KIF4A: variants seen among roughly 807,000 people sequenced by gnomAD.
KIF4A encodes kinesin family member 4A, also known as chromosome-associated kinesin KIF4A.
A neutral mutation model predicts 105.9 loss-of-function variants in KIF4A; 7 were observed. That is an observed-to-expected ratio of 0.07 (90% confidence interval 0.04 to 0.12). KIF4A has a LOEUF of 0.12. Ranked by LOEUF, KIF4A falls within the 10% of genes least tolerant of loss-of-function variation. The probability of loss-of-function intolerance (pLI) is 1.00; values close to 1 mark genes in which losing one functional copy is unlikely to be tolerated. For missense variants in KIF4A, 558 were observed against 929.2 expected (o/e 0.60, Z 5.19); for synonymous variants, 281 against 331.3 (o/e 0.85, Z 1.65).
intron 18 of KIF4A, 75 bp from the exon 19 acceptor site, chrX:70,386,543 G>C (rs1305710832): frequency 4.4e-5 from 33 of 755,197 alleles, no homozygotes; most frequent in Non-Finnish European, 6.1e-6. Flanking sequence ...AGGATGTCTT[G>C]AGAGACACCT....
chrX:70,406,638 T>C (rs181692358), intron 27 of KIF4A, among the ~76,000 whole-genome samples: 1 of 111,582 alleles, frequency 9.0e-6, no homozygotes, highest in East Asian at 2.8e-4. Flanking sequence ...AAGATACTTA[T>C]CTCATCATAT....
chrX:70,329,475 T>A lies in KIF4A; in HGVS notation c.849T>A (p.Gly283=), dbSNP rs2085922339. 1 of 1,209,164 alleles carries A rather than the reference T, an allele frequency of 8.3e-7. No homozygotes were observed. Among genetic ancestry groups the A allele is most frequent in the Non-Finnish European group, 1.1e-6 (1 of 894,918 alleles). Residue 283 remains glycine (G), a synonymous_variant, in exon 8 of 31, where the codon GGT becomes GGA. Coordinates refer to ENST00000374403, the MANE Select transcript of KIF4A (RefSeq NM_012310.5). Reference sequence around the variant, plus strand: ...GTGCTCTTGGAGATGACAAAAAGGGTGGCTTTGTGCCCTACAGAGATTCCA... The same window carrying A: ...GTGCTCTTGGAGATGACAAAAAGGGAGGCTTTGTGCCCTACAGAGATTCCA... ...VISALGDDKK[G]GFVPYRDSKL... is the part of the protein sequence containing the mutation.
intron 7 of KIF4A, among the ~76,000 whole-genome samples, chrX:70,310,475 A>G (rs1156399169): frequency 1.8e-5 from 2 of 111,125 alleles, no homozygotes; most frequent in South Asian, 3.8e-4. Context: ...TTGTTTTTCT[A>G]TTCTCGTATT....
At chrX:70,402,766 A>G (rs761724234) in intron 23 of KIF4A, 71 bp downstream of exon 23, 4 of 1,114,679 alleles carry the variant, frequency 3.6e-6, no homozygotes, top group East Asian at 6.4e-5. Flanking sequence ...GCCTTGAAAT[A>G]TTGTCAAAGT....
At chrX:70,392,858 A>AATAATT (rs2086242889) in intron 20 of KIF4A, among the ~76,000 whole-genome samples, 2 of 95,657 alleles carry the variant, frequency 2.1e-5, no homozygotes, top group Admixed American at 1.2e-4. Context: ...TAATAATAAT[A>AATAATT]ATTATTATTA....
In KIF4A at chrX:70,378,107, A is replaced by C. The variant is rs769270336; in HGVS notation, c.2034+1897A>C. ...CATAGGGAAATTAAAAAATACTTTG[A>C]GATTAATAAAAACAAAGATACAACA... On this transcript the variant is annotated intron_variant, in intron 18 of 30. Coordinates refer to ENST00000374403, the MANE Select transcript of KIF4A (RefSeq NM_012310.5). 9.8e-5 allele frequency among the ~76,000 whole-genome samples: 11 copies of C among 112,540 alleles called. 1 individual carries two copies. In the South Asian group the frequency reaches 4.0e-3, roughly 41 times the overall value.
At chrX:70,379,183 AAG>A (rs1254294146) in intron 18 of KIF4A, among the ~76,000 whole-genome samples, 1 of 110,879 alleles carries the variant, frequency 9.0e-6, no homozygotes, top group African/African-American at 3.3e-5. Context: ...GAAAAGAAAA[AAG>A]AAAAAAAAGA....
At chrX:70,383,051 G>T (rs1168393170) in intron 18 of KIF4A, among the ~76,000 whole-genome samples, 3 of 110,230 alleles carry the variant, frequency 2.7e-5, no homozygotes, top group African/African-American at 9.9e-5. Context: ...GCCGGGTGTG[G>T]TGGCACATGC....
rs1307815371 is a variant in KIF4A at position 70,395,953 on chromosome X, G to A, written c.2393G>A (p.Arg798His). ...TGTTCTCACTATTATTTACAGAGGC[G>A]TACATTCTCCCTTACTGAAGTGCGT... is the stretch of plus-strand genomic sequence containing the variant. ...GENPPPKLRR[R>H]TFSLTEVRGQ... The change falls in exon 22 of 31, where the codon CGT becomes CAT. Residue 798 changes from arginine to histidine, a missense_variant. Around this residue, in one of 2 missense-constraint regions of KIF4A, gnomAD observed 469 missense variants for 680.4 expected, o/e 0.69. Transcript: ENST00000374403. 21 of 1,203,888 alleles carry A rather than the reference G, an allele frequency of 1.7e-5. No homozygotes were observed. Among genetic ancestry groups the A allele is most frequent in the East Asian group, 3.0e-5 (1 of 33,743 alleles).
At position 70,302,026 on chromosome X, in the gene KIF4A, A is replaced by G; in HGVS notation, c.643A>G (p.Ile215Val). ...MNSQSSRSHAIFTISLEQRKK... is the reference protein window; with the variant it reads ...MNSQSSRSHAVFTISLEQRKK... Reference sequence around the variant, plus strand: ...CTCCCAGTCGTCCCGATCTCATGCCATCTTTACAATCTCCTTAGAGCAAAG... The same window carrying G: ...CTCCCAGTCGTCCCGATCTCATGCCGTCTTTACAATCTCCTTAGAGCAAAG... Residue 215 changes from isoleucine to valine, a missense_variant, in exon 6 of 31, where the codon ATC becomes GTC. Ile to Val is a conservative substitution (Grantham distance 29). Around this residue, in one of 2 missense-constraint regions of KIF4A, gnomAD observed 89 missense variants for 248.8 expected, o/e 0.36. Transcript: ENST00000374403. 1 of 1,211,845 alleles carries G rather than the reference A, an allele frequency of 8.3e-7. No individual in the cohort carries two copies. Among genetic ancestry groups the G allele is most frequent in the Non-Finnish European group, 1.1e-6 (1 of 895,472 alleles).
intron 20 of KIF4A, among the ~76,000 whole-genome samples, chrX:70,392,633 T>A (rs1210546140): frequency 1.8e-5 from 2 of 108,215 alleles, no homozygotes; most frequent in African/African-American, 6.7e-5. Context: ...ACATCTCTAT[T>A]TTTTTTTTAA....
At chrX:70,329,120 A>G (rs1476455183) in intron 7 of KIF4A, among the ~76,000 whole-genome samples, 1 of 112,215 alleles carries the variant, frequency 8.9e-6, no homozygotes, top group East Asian at 2.8e-4. Context: ...AAAAGTAAAT[A>G]ACTATACAGA....
In KIF4A at chrX:70,297,094, C is replaced by A; in HGVS notation, c.332C>A (p.Thr111Lys). The change falls in exon 4 of 31, where the codon ACA (threonine) becomes AAA (lysine). Residue 111 changes from threonine (T) to lysine (K), a missense_variant. Thr to Lys is a moderately conservative substitution (Grantham distance 78, BLOSUM62 -1). Transcript: ENST00000374403. ...AYTAEQENEP[T>K]VGVIPRVIQL... ...ACTGCAGAGCAAGAGAATGAACCAACAGTTGGGGTTATTCCTAGGGTAATA... is the reference window on the plus strand; with the variant it reads ...ACTGCAGAGCAAGAGAATGAACCAAAAGTTGGGGTTATTCCTAGGGTAATA... 1 of 1,210,870 alleles carries A rather than the reference C, an allele frequency of 8.3e-7. No homozygotes were observed. The highest frequency in any genetic ancestry group is 1.1e-6 in the Non-Finnish European group (1 of 894,516).
chrX:70,329,596 T>G (rs1443105412), intron 8 of KIF4A, 75 bp downstream of exon 8: 1 of 821,139 alleles, frequency 1.2e-6, no homozygotes, highest in Non-Finnish European at 1.8e-6. Context: ...ATGAAATAGG[T>G]AAAAAGCCAG....
At chrX:70,298,843 C>T (rs1338465472) in intron 4 of KIF4A, among the ~76,000 whole-genome samples, 2 of 112,288 alleles carry the variant, frequency 1.8e-5, no homozygotes, top group African/African-American at 3.2e-5. Flanking sequence ...TGTAACTTTT[C>T]ATGTGTCTGC....
chrX:70,402,209 G>A (rs899021339), intron 22 of KIF4A, among the ~76,000 whole-genome samples: 1 of 111,583 alleles, frequency 9.0e-6, no homozygotes, highest in South Asian at 3.8e-4. Context: ...CCTTGCATGG[G>A]TGGACCATCA....
intron 27 of KIF4A, 34 bp downstream of exon 27, chrX:70,406,388 A>T (rs752679822): frequency 9.0e-7 from 1 of 1,106,420 alleles, no homozygotes; most frequent in Non-Finnish European, 1.2e-6. Flanking sequence ...ACCTTTGCAC[A>T]GCTTAGGTTT....
intron 11 of KIF4A, among the ~76,000 whole-genome samples, chrX:70,343,319 C>CT (rs1016624863): frequency 6.4e-5 from 7 of 110,010 alleles, no homozygotes; most frequent in African/African-American, 9.9e-5. Flanking sequence ...TGTTTTTTGT[C>CT]TTTTTTTTGT....
intron 22 of KIF4A, among the ~76,000 whole-genome samples, chrX:70,399,124 G>A (rs1395748374): frequency 8.9e-6 from 1 of 112,164 alleles, no homozygotes; most frequent in African/African-American, 3.2e-5. Flanking sequence ...CCTGTGTGAC[G>A]AAACAGGAAG....
Sources: allele counts gnomAD v4.1 joint callset (sites outside exome capture counted in the v4.1 genomes callset), GRCh38; gene constraint gnomAD v4.1.1; regional missense constraint gnomAD v4.1.1; transcripts MANE v1.5; gene names NCBI Gene and HGNC (gene_info 2026-07-23, HGNC 2026-07-21).